EFNA5: variants seen among roughly 807,000 people sequenced by gnomAD.
The protein encoded by EFNA5 is ephrin A5.
In EFNA5, 5 loss-of-function variants were observed where a neutral mutation model predicts 22.9. That is an observed-to-expected ratio of 0.22 (90% CI 0.11 to 0.46). The LOEUF (loss-of-function observed/expected upper bound fraction) is 0.46, where lower values mean the gene tolerates loss of function less well. Ranked by LOEUF, EFNA5 falls within the 20% of genes least tolerant of loss-of-function variation. The pLI is 0.99. For synonymous variants in EFNA5, 113 were observed against 112.2 expected (o/e 1.01, Z -0.04); for missense variants, 237 against 293.3 (o/e 0.81, Z 1.40).
chr5:107,531,240 C>T (rs1276152346), intron 1 of EFNA5, among the ~76,000 whole-genome samples: 1 of 152,160 alleles, frequency 6.6e-6, no homozygotes, highest in Non-Finnish European at 1.5e-5. Context: ...CCTCTCAAGC[C>T]CTAGGTAGAC....
At chr5:107,499,862 C>T (rs187857623) in intron 1 of EFNA5, among the ~76,000 whole-genome samples, 40 of 152,248 alleles carry the variant, frequency 2.6e-4, no homozygotes, top group African/African-American at 8.9e-4. Context: ...GTGCAAATTA[C>T]CAAGGTAAAT....
chr5:107,557,721 T>C (rs951081483), intron 1 of EFNA5, among the ~76,000 whole-genome samples: 3 of 152,218 alleles, frequency 2.0e-5, no homozygotes, highest in African/African-American at 7.2e-5. Flanking sequence ...ATAAGTGACC[T>C]TTTTCAGAGT....
chr5:107,635,577 C>T (rs1750357232), intron 1 of EFNA5, among the ~76,000 whole-genome samples: 1 of 152,186 alleles, frequency 6.6e-6, no homozygotes, highest in Non-Finnish European at 1.5e-5. Context: ...TCATTTTGTG[C>T]TGACACATAC....
chr5:107,423,788 C>T (rs945640802), intron 2 of EFNA5, among the ~76,000 whole-genome samples: 1 of 152,092 alleles, frequency 6.6e-6, no homozygotes, highest in Non-Finnish European at 1.5e-5. Flanking sequence ...ATTATAACAA[C>T]TTAATATACT....
intron 4 of EFNA5, 51 bp from the exon 5 acceptor site, chr5:107,381,427 C>T (rs1242680430): frequency 1.1e-5 from 17 of 1,561,928 alleles, no homozygotes; most frequent in Non-Finnish European, 1.4e-5. Flanking sequence ...TCCTTAATAA[C>T]TCTCTTGCAG....
chr5:107,395,780 A>C (rs1747906007), intron 2 of EFNA5, among the ~76,000 whole-genome samples: 1 of 152,234 alleles, frequency 6.6e-6, no homozygotes, highest in Non-Finnish European at 1.5e-5. Context: ...AAACAGCAAC[A>C]AACCAGATAG....
At chr5:107,450,898 T>C (rs1402275261) in intron 1 of EFNA5, among the ~76,000 whole-genome samples, 1 of 152,230 alleles carries the variant, frequency 6.6e-6, no homozygotes, top group South Asian at 2.1e-4. Flanking sequence ...AAGGCAATGA[T>C]TCTGGAGGCT....
intron 1 of EFNA5, among the ~76,000 whole-genome samples, chr5:107,470,485 A>T (rs1308250338): frequency 6.6e-6 from 1 of 152,234 alleles, no homozygotes; most frequent in Non-Finnish European, 1.5e-5. Flanking sequence ...CAGTGAAACC[A>T]TTAATGTCTG....
intron 1 of EFNA5, among the ~76,000 whole-genome samples, chr5:107,473,053 C>T (rs1160754551): frequency 6.6e-6 from 1 of 152,138 alleles, no homozygotes; most frequent in African/African-American, 2.4e-5. Flanking sequence ...TGGGGTTGCT[C>T]TCACTCATTC....
At chr5:107,449,804 T>C (rs1749503966) in intron 1 of EFNA5, among the ~76,000 whole-genome samples, 1 of 152,186 alleles carries the variant, frequency 6.6e-6, no homozygotes, top group Admixed American at 6.5e-5. Context: ...TGCATTACTG[T>C]CTCTGGAGAA....
At chr5:107,593,565 G>C (rs1459479737) in intron 1 of EFNA5, among the ~76,000 whole-genome samples, 3 of 152,110 alleles carry the variant, frequency 2.0e-5, no homozygotes, top group African/African-American at 7.2e-5. Flanking sequence ...ATCACCTAGG[G>C]AGCTTTCAAA....
At chr5:107,590,184 G>T (rs1441918415) in intron 1 of EFNA5, among the ~76,000 whole-genome samples, 2 of 152,078 alleles carry the variant, frequency 1.3e-5, no homozygotes, top group African/African-American at 4.8e-5. Context: ...GCTAAAGAAG[G>T]CTTTCAAGAC....
At chr5:107,539,599 C>G (rs911492058) in intron 1 of EFNA5, among the ~76,000 whole-genome samples, 1 of 152,160 alleles carries the variant, frequency 6.6e-6, no homozygotes, top group African/African-American at 2.4e-5. Flanking sequence ...GCTGGGACTT[C>G]AGGCACATGC....
At chr5:107,555,009 C>T (rs1748378316) in intron 1 of EFNA5, among the ~76,000 whole-genome samples, 1 of 152,164 alleles carries the variant, frequency 6.6e-6, no homozygotes, top group Admixed American at 6.5e-5. Context: ...AAACATTCAA[C>T]TCGATCTGGA....
chr5:107,443,413 A>G (rs1222106374), intron 1 of EFNA5, among the ~76,000 whole-genome samples: 1 of 152,228 alleles, frequency 6.6e-6, no homozygotes, highest in Non-Finnish European at 1.5e-5. Context: ...TGCCAGACCC[A>G]CTATACCCCC....
In EFNA5 at chr5:107,633,992, G is replaced by C. The variant is rs560021738; in HGVS notation, c.125+36497C>G. Among the ~76,000 whole-genome samples, 3 of 152,268 alleles carry C rather than the reference G, an allele frequency of 2.0e-5. No individual in the cohort carries two copies. In the South Asian group the frequency reaches 6.2e-4, roughly 32 times the overall value. The stretch of plus-strand genomic sequence containing the variant: ...ACAATTCCATACAAAAAGATTTTAA[G>C]AGAAAAGACATAGTTTCATGTAAAG... On this transcript the variant is annotated intron_variant, in intron 1 of 4. Coordinates refer to ENST00000333274, the MANE Select transcript of EFNA5 (RefSeq NM_001962.3).
At chr5:107,503,753 T>A (rs1348919460) in intron 1 of EFNA5, among the ~76,000 whole-genome samples, 1 of 152,204 alleles carries the variant, frequency 6.6e-6, no homozygotes, top group Non-Finnish European at 1.5e-5. Flanking sequence ...AAAATTATTA[T>A]CTTCATAACC....
At chr5:107,542,241 A>G (rs1392782120) in intron 1 of EFNA5, among the ~76,000 whole-genome samples, 3 of 152,202 alleles carry the variant, frequency 2.0e-5, no homozygotes, top group Admixed American at 6.5e-5. Flanking sequence ...ATCTTGAAAA[A>G]TAAGAAACAA....
intron 1 of EFNA5, among the ~76,000 whole-genome samples, chr5:107,486,537 C>G (rs1488654837): frequency 6.6e-6 from 1 of 152,112 alleles, no homozygotes; most frequent in East Asian, 1.9e-4. Flanking sequence ...TAGAGTTCAC[C>G]CATATCTAAC....
Sources: allele counts gnomAD v4.1 joint callset (sites outside exome capture counted in the v4.1 genomes callset), GRCh38; gene constraint gnomAD v4.1.1; transcripts MANE v1.5; gene names NCBI Gene and HGNC (gene_info 2026-07-23, HGNC 2026-07-21).